Variants in ZNF536 observed in about 807,000 individuals in gnomAD.
The protein encoded by ZNF536 is zinc finger protein 536.
In ZNF536, 13 loss-of-function variants were observed where a neutral mutation model predicts 84.5. The observed-to-expected ratio is 0.15, with a 90% CI of 0.10 to 0.24. ZNF536 has a LOEUF of 0.24. Ranked by LOEUF, ZNF536 falls within the 10% of genes least tolerant of loss-of-function variation. The probability of loss-of-function intolerance (pLI) is 1.00; values close to 1 mark genes in which losing one functional copy is unlikely to be tolerated. For missense variants in ZNF536, 1,536 were observed against 1,747.5 expected (o/e 0.88, Z 2.16); for synonymous variants, 811 against 742.5 (o/e 1.09, Z -1.50).
chr19:30,573,141 G>A (rs537493312), intron 1 of ZNF536, among the ~76,000 whole-genome samples: 3 of 152,196 alleles, frequency 2.0e-5, no homozygotes, highest in East Asian at 1.9e-4. Flanking sequence ...AGAGATCCCT[G>A]TGTAAGTGAA....
chr19:30,679,963 A>G (rs1205030187), intron 1 of ZNF536, among the ~76,000 whole-genome samples: 1 of 150,794 alleles, frequency 6.6e-6, no homozygotes, highest in African/African-American at 2.4e-5. Flanking sequence ...TGCTGTCTTT[A>G]CCCAGGGCCT....
At chr19:30,695,252 A>T (rs12985989) in intron 1 of ZNF536, among the ~76,000 whole-genome samples, 43,219 of 151,968 alleles carry the variant, frequency 0.28, 6,749 homozygotes, top group East Asian at 0.43. Context: ...GCCAAGTGCC[A>T]GGCTCTGAGC....
intron 2 of ZNF536, among the ~76,000 whole-genome samples, chr19:30,520,944 G>A (rs1177672481): frequency 3.3e-5 from 5 of 152,174 alleles, no homozygotes; most frequent in Non-Finnish European, 5.9e-5. Context: ...GCCCAGAGCC[G>A]GCCATTGCCT....
intron 1 of ZNF536, among the ~76,000 whole-genome samples, chr19:30,426,037 G>A (rs1460293550): frequency 1.3e-5 from 2 of 152,148 alleles, no homozygotes; most frequent in East Asian, 1.9e-4. Context: ...GGTGGGTCGG[G>A]GCTGGTAGCA....
chr19:30,429,574 A>G (rs2051360637), intron 1 of ZNF536, among the ~76,000 whole-genome samples: 1 of 152,176 alleles, frequency 6.6e-6, no homozygotes, highest in Non-Finnish European at 1.5e-5. Flanking sequence ...TTGTTCTCAA[A>G]AAAACTCCCA....
chr19:30,596,263 AG>A (rs1233947339), intron 1 of ZNF536, among the ~76,000 whole-genome samples: 3 of 151,356 alleles, frequency 2.0e-5, no homozygotes, highest in Non-Finnish European at 4.4e-5. Flanking sequence ...AGAGAGGGAG[AG>A]GGGAAAAAAA....
At chr19:30,615,620 T>C (rs1230188324) in intron 1 of ZNF536, among the ~76,000 whole-genome samples, 2 of 152,180 alleles carry the variant, frequency 1.3e-5, no homozygotes, top group East Asian at 1.9e-4. Flanking sequence ...TATTTAATCT[T>C]ATTTTAAAAT....
At chr19:30,246,840 T>A (rs1167816460) in intron 1 of ZNF536, among the ~76,000 whole-genome samples, 3 of 152,238 alleles carry the variant, frequency 2.0e-5, no homozygotes, top group African/African-American at 4.8e-5. Context: ...TTATATTTTT[T>A]AAATAAGGAC....
intron 2 of ZNF536, among the ~76,000 whole-genome samples, chr19:30,325,038 G>A (rs1445175464): frequency 1.3e-5 from 2 of 152,170 alleles, no homozygotes; most frequent in African/African-American, 2.4e-5. Context: ...AACCATCCAC[G>A]TTTGCTCCTT....
At chr19:30,329,674 G>A (rs1008902699) in intron 2 of ZNF536, among the ~76,000 whole-genome samples, 1 of 152,110 alleles carries the variant, frequency 6.6e-6, no homozygotes, top group African/African-American at 2.4e-5. Flanking sequence ...AGTTTATCAG[G>A]CCCCTCTCCC....
intron 1 of ZNF536, among the ~76,000 whole-genome samples, chr19:30,638,495 G>A (rs1404898757): frequency 2.6e-5 from 4 of 152,160 alleles, no homozygotes; most frequent in African/African-American, 9.7e-5. Flanking sequence ...TGAGAGGGGG[G>A]AAGTGCTATA....
intron 2 of ZNF536, among the ~76,000 whole-genome samples, chr19:30,451,752 G>A (rs972711323): frequency 6.6e-6 from 1 of 152,174 alleles, no homozygotes; most frequent in Non-Finnish European, 1.5e-5. Flanking sequence ...GATGGACACC[G>A]CTGTTGCCTG....
chr19:30,350,548 T>C (rs1321064728), intron 2 of ZNF536, among the ~76,000 whole-genome samples: 1 of 152,234 alleles, frequency 6.6e-6, no homozygotes. Context: ...AAAATACCTA[T>C]AGATTTATCT....
intron 1 of ZNF536, among the ~76,000 whole-genome samples, chr19:30,234,779 A>G (rs375229639): frequency 6.7e-6 from 1 of 148,912 alleles, no homozygotes; most frequent in South Asian, 2.1e-4. Flanking sequence ...ACACACGCGC[A>G]CACGCACCCC....
chr19:30,463,298 C>T (rs2053240121), intron 2 of ZNF536, among the ~76,000 whole-genome samples: 1 of 152,176 alleles, frequency 6.6e-6, no homozygotes, highest in Admixed American at 6.5e-5. Flanking sequence ...CTTCGCTCAT[C>T]ACTAGAGGGG....
chr19:30,387,541 A>T (rs888288598), intron 1 of ZNF536, among the ~76,000 whole-genome samples: 1 of 152,202 alleles, frequency 6.6e-6, no homozygotes, highest in Admixed American at 6.5e-5. Flanking sequence ...CTGAGAGCAG[A>T]GCGATCCCAA....
In ZNF536 at chr19:30,443,730, C is replaced by G. The variant is rs769962850; in HGVS notation, c.168C>G (p.Pro56=). The part of the protein sequence containing the change: ...AFPELHPRPN[P]EEKPPASLEE... Reference sequence around the variant, plus strand: ...CCGAGCTCCATCCCCGGCCCAACCCCGAGGAGAAGCCCCCCGCATCCCTGG... The same window carrying G: ...CCGAGCTCCATCCCCGGCCCAACCCGGAGGAGAAGCCCCCCGCATCCCTGG... The change falls in exon 2 of 5, where the codon CCC becomes CCG. Residue 56 remains proline (P), a synonymous_variant. Transcript: ENST00000355537. 8 of 1,613,006 alleles carry G rather than the reference C, an allele frequency of 5.0e-6. No homozygotes were observed. The highest frequency in any genetic ancestry group is 1.3e-5 in the African/African-American group (1 of 74,932).
chr19:30,236,487 C>T (rs1314577772), intron 1 of ZNF536, among the ~76,000 whole-genome samples: 1 of 147,606 alleles, frequency 6.8e-6, no homozygotes, highest in East Asian at 2.2e-4. Context: ...TGTACACATT[C>T]ATCCTGAAAG....
At chr19:30,384,341 C>T (rs1011054428) in intron 1 of ZNF536, among the ~76,000 whole-genome samples, 7 of 92,944 alleles carry the variant, frequency 7.5e-5, no homozygotes, top group African/African-American at 2.9e-4. Flanking sequence ...CTCCCCTCCC[C>T]TCCCCTTCCC....
Sources: allele counts gnomAD v4.1 joint callset (sites outside exome capture counted in the v4.1 genomes callset), GRCh38; gene constraint gnomAD v4.1.1; transcripts MANE v1.5; gene names NCBI Gene and HGNC (gene_info 2026-07-23, HGNC 2026-07-21).